Variants in SMOC2 observed in about 807,000 individuals in gnomAD.
SMOC2 encodes the protein SPARC-related modular calcium-binding protein 2.
Under a neutral mutation model 61.4 loss-of-function variants are expected in SMOC2, and 39 were observed. That is an observed-to-expected ratio of 0.64 (90% confidence interval 0.49 to 0.83). The LOEUF (loss-of-function observed/expected upper bound fraction) is 0.83, where lower values mean the gene tolerates loss of function less well. SMOC2 is among the 40% of genes least tolerant of loss of function. The pLI is 0.00. For missense variants in SMOC2, 556 were observed against 592.9 expected (o/e 0.94, Z 0.65); for synonymous variants, 247 against 239.9 (o/e 1.03, Z -0.27).
In SMOC2 at chr6:168,535,109, T is replaced by C. The variant is rs1221485895; in HGVS notation, c.463+7382T>C. ...CCTCTGCCTCCGGAGTAGCTGGGAC[T>C]ACAGGCACCCGCCACCACGCCCAGC... On this transcript the variant is annotated intron_variant, in intron 4 of 12. Transcript: ENST00000356284. The surrounding 1 kb of genome is among the most constrained non-coding windows in gnomAD (Gnocchi z 4.6). Among the ~76,000 whole-genome samples, 2 of 152,054 alleles carry C rather than the reference T, an allele frequency of 1.3e-5. No homozygotes were observed. Among genetic ancestry groups the C allele is most frequent in the Non-Finnish European group, 2.9e-5 (2 of 68,020 alleles).
chr6:168,520,087 T>C (rs892644129), intron 2 of SMOC2, among the ~76,000 whole-genome samples: 5 of 152,328 alleles, frequency 3.3e-5, no homozygotes, highest in African/African-American at 1.2e-4. Flanking sequence ...AGTCTGCTGC[T>C]GTGGGGATGC....
chr6:168,616,755 C>T (rs972280900), intron 9 of SMOC2, among the ~76,000 whole-genome samples: 2 of 152,170 alleles, frequency 1.3e-5, no homozygotes, highest in Non-Finnish European at 2.9e-5. Flanking sequence ...AGAAAAACCA[C>T]ACATATAATT....
intron 2 of SMOC2, among the ~76,000 whole-genome samples, chr6:168,514,981 G>A (rs886572491): frequency 3.3e-5 from 5 of 152,142 alleles, no homozygotes; most frequent in Admixed American, 6.5e-5. Context: ...GATCTTTGCC[G>A]TACCCAGCTG....
At chr6:168,594,743 G>C (rs370586465) in intron 7 of SMOC2, among the ~76,000 whole-genome samples, 60 of 61,240 alleles carry the variant, frequency 9.8e-4, no homozygotes, top group South Asian at 9.6e-3. Context: ...CATCTTTCTA[G>C]AGGATCTCCG....
At chr6:168,606,748 G>C (rs573102280) in intron 8 of SMOC2, among the ~76,000 whole-genome samples, 1 of 152,040 alleles carries the variant, frequency 6.6e-6, no homozygotes, top group South Asian at 2.1e-4. Flanking sequence ...TCAGGGCTCC[G>C]GGCCGGACCC....
intron 7 of SMOC2, 43 bp from the exon 8 acceptor site, chr6:168,598,775 G>A (rs889140219): frequency 3.1e-6 from 5 of 1,605,204 alleles, no homozygotes; most frequent in Admixed American, 1.7e-5. Context: ...GTGGGACGAC[G>A]TCGCTGGATC....
At chr6:168,449,817 A>G (rs1418829320) in intron 1 of SMOC2, among the ~76,000 whole-genome samples, 2 of 152,218 alleles carry the variant, frequency 1.3e-5, no homozygotes, top group Admixed American at 1.3e-4. Context: ...TCATCCCTTC[A>G]TTTCAAAGGA....
intron 7 of SMOC2, among the ~76,000 whole-genome samples, chr6:168,595,148 A>G (rs1785289409): frequency 7.7e-6 from 1 of 129,850 alleles, no homozygotes; most frequent in African/African-American, 2.9e-5. Flanking sequence ...CACAAGGGGC[A>G]TCTTTCTAGA....
intron 2 of SMOC2, among the ~76,000 whole-genome samples, chr6:168,510,882 C>T (rs1403309573): frequency 2.0e-5 from 3 of 152,156 alleles, no homozygotes; most frequent in Non-Finnish European, 1.5e-5. Context: ...AGAATTTTGC[C>T]TTGTTCTTTA....
At chr6:168,592,752 T>G (rs1256596489) in intron 7 of SMOC2, among the ~76,000 whole-genome samples, 4 of 1,994 alleles carry the variant, frequency 2.0e-3, no homozygotes, top group Non-Finnish European at 2.3e-3. Flanking sequence ...CTAGAGGATC[T>G]CCGAGCTCCT....
chr6:168,610,309 CTG>C (rs1409517412), intron 9 of SMOC2, among the ~76,000 whole-genome samples: 1 of 152,228 alleles, frequency 6.6e-6, no homozygotes, highest in South Asian at 2.1e-4. Flanking sequence ...GTGACGCAAA[CTG>C]TGCAAAGGTC....
At chr6:168,518,098 G>T (rs1049350663) in intron 2 of SMOC2, among the ~76,000 whole-genome samples, 2 of 152,228 alleles carry the variant, frequency 1.3e-5, no homozygotes, top group African/African-American at 4.8e-5. Context: ...ACACCTGCCC[G>T]TTCCTCGGAA....
intron 6 of SMOC2, among the ~76,000 whole-genome samples, 195 bp downstream of exon 6, chr6:168,547,364 C>T (rs1784028601): frequency 6.6e-6 from 1 of 151,250 alleles, no homozygotes; most frequent in Non-Finnish European, 1.5e-5. Flanking sequence ...AAACAAAACT[C>T]CAATAGTGAG....
In SMOC2 at chr6:168,641,383, C is replaced by A. The variant is rs74960796; in HGVS notation, c.908-9298C>A. On this transcript the variant is annotated intron_variant, in intron 9 of 12. Transcript: ENST00000356284. Reference sequence around the variant, plus strand: ...TCACCATAAACCCTCCGTGTCTCTTCACCAATACCTTCATTCAAAAGCTCC... The same window carrying A: ...TCACCATAAACCCTCCGTGTCTCTTAACCAATACCTTCATTCAAAAGCTCC... 3.6e-3 allele frequency among the ~76,000 whole-genome samples: 541 copies of A among 152,298 alleles called. 3 individuals are homozygous for A. Among genetic ancestry groups the A allele is most frequent in the African/African-American group, 0.012 (496 of 41,554 alleles).
chr6:168,516,773 C>A (rs1783145454), intron 2 of SMOC2, among the ~76,000 whole-genome samples: 1 of 152,092 alleles, frequency 6.6e-6, no homozygotes, highest in Non-Finnish European at 1.5e-5. Flanking sequence ...ATAGTGAAAC[C>A]TCGTCTCTAC....
At chr6:168,589,061 A>G (rs1180736233) in intron 7 of SMOC2, among the ~76,000 whole-genome samples, 5 of 130,940 alleles carry the variant, frequency 3.8e-5, no homozygotes, top group African/African-American at 1.5e-4. Context: ...TGCATGACAG[A>G]GGGAGAATTC....
At chr6:168,500,424 G>A (rs1341110367) in intron 1 of SMOC2, among the ~76,000 whole-genome samples, 4 of 152,142 alleles carry the variant, frequency 2.6e-5, no homozygotes, top group African/African-American at 9.7e-5. Flanking sequence ...TGGTGTTGGC[G>A]GGTCTCCTGT....
In SMOC2 at chr6:168,535,127, C is replaced by G. The variant is rs145379299; in HGVS notation, c.463+7400C>G. Among the ~76,000 whole-genome samples the G allele has an allele frequency of 0.023, 3,456 of 151,966 alleles. 199 individuals carry two copies. Among genetic ancestry groups the G allele is most frequent in the East Asian group, 0.21 (1,076 of 5,132 alleles). On this transcript the variant is annotated intron_variant, in intron 4 of 12. Transcript: ENST00000356284. This position sits in a 1 kb window ranked among gnomAD's most constrained non-coding sequence, Gnocchi z 4.6. The stretch of plus-strand genomic sequence containing the variant: ...CTGGGACTACAGGCACCCGCCACCA[C>G]GCCCAGCTAATGTTTTGTATTTTTA...
chr6:168,584,710 A>C (rs1214882397), intron 7 of SMOC2, among the ~76,000 whole-genome samples: 1 of 152,218 alleles, frequency 6.6e-6, no homozygotes, highest in East Asian at 1.9e-4. Context: ...TTCCTATTTT[A>C]TGCTTACTAG....
Sources: gnomAD v4.1 joint callset for allele counts (sites outside exome capture counted in the v4.1 genomes callset) on GRCh38, gnomAD v4.1.1 for gene constraint, Gnocchi (gnomAD v3.1) non-coding constraint, MANE v1.5 for transcripts, NCBI Gene and HGNC (gene_info 2026-07-23, HGNC 2026-07-21) for gene names.